Variants in ENTREP1 observed in about 807,000 individuals in gnomAD.
ENTREP1 encodes Friedreich ataxia region gene X123.
At chr9:69,345,407 G>T in the ENTREP1 span, among the ~76,000 whole-genome samples, 6 of 152,050 alleles carry the variant, frequency 3.9e-5, no homozygotes, top group Non-Finnish European at 8.8e-5. Context: ...GTATAATTTG[G>T]CATAATACTT....
chr9:69,367,604 T>TATATATATATACACACATATATATAA, the ENTREP1 span, among the ~76,000 whole-genome samples: 5 of 134,888 alleles, frequency 3.7e-5, no homozygotes, highest in African/African-American at 1.4e-4. Context: ...GTGTTTTATA[T>TATATATATATACACACATATATATAA]ATATATATAT....
At chr9:69,379,552 GAA>G in the ENTREP1 span, 1 of 152,402 alleles carries the variant, frequency 6.6e-6, no homozygotes. Context: ...GACAGAGGCT[GAA>G]GAGATATGGC....
At chr9:69,331,710 A>G in the ENTREP1 span, among the ~76,000 whole-genome samples, 1 of 152,186 alleles carries the variant, frequency 6.6e-6, no homozygotes, top group Non-Finnish European at 1.5e-5. Flanking sequence ...ATCTTTGAGC[A>G]ATGTCATCTC....
chr9:69,326,226 G>C, the ENTREP1 span, among the ~76,000 whole-genome samples: 1 of 152,146 alleles, frequency 6.6e-6, no homozygotes, highest in Non-Finnish European at 1.5e-5. Flanking sequence ...TAAGACACAC[G>C]TAAATGTGAA....
chr9:69,367,725 A>G, the ENTREP1 span, among the ~76,000 whole-genome samples: 1 of 56,782 alleles, frequency 1.8e-5, no homozygotes, highest in Non-Finnish European at 4.0e-5. Context: ...ACACATATAT[A>G]TAAAAATATA....
the ENTREP1 span, among the ~76,000 whole-genome samples, chr9:69,334,681 T>C: frequency 6.6e-6 from 1 of 152,240 alleles, no homozygotes; most frequent in Non-Finnish European, 1.5e-5. Context: ...TTGATTATCA[T>C]TTCCCAATTG....
the ENTREP1 span, among the ~76,000 whole-genome samples, chr9:69,356,152 C>G: frequency 6.6e-6 from 1 of 152,198 alleles, no homozygotes; most frequent in Admixed American, 6.5e-5. Flanking sequence ...CCCCTGAAGT[C>G]CGTGGCAACC....
the ENTREP1 span, among the ~76,000 whole-genome samples, chr9:69,374,240 A>T: frequency 4.0e-5 from 6 of 151,758 alleles, no homozygotes; most frequent in Non-Finnish European, 7.4e-5. Flanking sequence ...AAATACCAGA[A>T]TTTTTTTGTT....
chr9:69,366,921 AATTT>A, the ENTREP1 span, among the ~76,000 whole-genome samples: 1 of 151,746 alleles, frequency 6.6e-6, no homozygotes, highest in Admixed American at 6.6e-5. Flanking sequence ...AATTCAACTT[AATTT>A]ATTTATTTTG....
chr9:69,392,438 A>T, the ENTREP1 span: 1 of 152,974 alleles, frequency 6.5e-6, no homozygotes, highest in Admixed American at 6.5e-5. Flanking sequence ...CTGAGAATAA[A>T]CATGTTTACT....
At chr9:69,345,761 C>T in the ENTREP1 span, among the ~76,000 whole-genome samples, 9 of 152,106 alleles carry the variant, frequency 5.9e-5, no homozygotes, top group Non-Finnish European at 1.0e-4. Flanking sequence ...CGCCACCATA[C>T]GTGGCTTAAT....
the ENTREP1 span, among the ~76,000 whole-genome samples, chr9:69,344,420 G>GTTCTC: frequency 1.3e-5 from 2 of 152,198 alleles, no homozygotes; most frequent in African/African-American, 4.8e-5. Flanking sequence ...AGACTTTCTT[G>GTTCTC]CTCTCCAATT....
the ENTREP1 span, among the ~76,000 whole-genome samples, chr9:69,374,141 G>T: frequency 1.3e-5 from 2 of 152,188 alleles, no homozygotes; most frequent in Admixed American, 6.5e-5. Context: ...GACTTATTTT[G>T]CCCAGTGTAA....
At chr9:69,373,027 GTTA>G in the ENTREP1 span, among the ~76,000 whole-genome samples, 940 of 52,030 alleles carry the variant, frequency 0.018, 4 homozygotes, top group South Asian at 0.027. Flanking sequence ...TTAAAATTGA[GTTA>G]TTTTTTTTTT....
chr9:69,333,869 GCA>G, the ENTREP1 span, among the ~76,000 whole-genome samples: 3 of 152,074 alleles, frequency 2.0e-5, no homozygotes, highest in Admixed American at 6.5e-5. Context: ...ATACACACAT[GCA>G]CACACATGTG....
chr9:69,367,556 T>C, the ENTREP1 span, among the ~76,000 whole-genome samples: 1 of 147,434 alleles, frequency 6.8e-6, no homozygotes, highest in Non-Finnish European at 1.5e-5. Context: ...GTTTTCTTTC[T>C]AGAGGTCTTT....
chr9:69,370,209 A>T, the ENTREP1 span, among the ~76,000 whole-genome samples: 1 of 152,190 alleles, frequency 6.6e-6, no homozygotes, highest in African/African-American at 2.4e-5. Context: ...TTTCCAAGGG[A>T]AAACTCGAGA....
the ENTREP1 span, among the ~76,000 whole-genome samples, chr9:69,391,403 G>A: frequency 9.9e-5 from 15 of 152,262 alleles, no homozygotes; most frequent in Non-Finnish European, 2.1e-4. Context: ...GGTCTACAGC[G>A]GACATGGTAG....
At chr9:69,371,554 T>C in the ENTREP1 span, 1 of 1,613,984 alleles carries the variant, frequency 6.2e-7, no homozygotes, top group African/African-American at 1.3e-5. Flanking sequence ...CTAGCTGGAT[T>C]TATCCTAGGC....
Sources: allele counts gnomAD v4.1 joint callset (sites outside exome capture counted in the v4.1 genomes callset), GRCh38; gene constraint gnomAD v4.1.1; transcripts MANE v1.5; gene names NCBI Gene and HGNC (gene_info 2026-07-23, HGNC 2026-07-21).